The following PSTPIP2 variants were observed in gnomAD, a reference collection of about 807,000 sequenced individuals.
PSTPIP2 encodes the protein proline-serine-threonine phosphatase interacting protein 2, also known as proline-serine-threonine phosphatase-interacting protein 2.
Under a neutral mutation model 63.3 loss-of-function variants are expected in PSTPIP2, and 33 were observed. The observed-to-expected ratio is 0.52, with a 90% confidence interval of 0.40 to 0.70. PSTPIP2 has a LOEUF of 0.70. PSTPIP2 is among the 30% of genes least tolerant of loss of function. PSTPIP2 has a pLI of 0.00. For synonymous variants in PSTPIP2, 125 were observed against 132.7 expected (o/e 0.94, Z 0.40); for missense variants, 312 against 400.7 (o/e 0.78, Z 1.89).
chr18:46,015,884 T>G lies in PSTPIP2; in HGVS notation c.247+19A>C, dbSNP rs186906654. ...TGTCAAGGGCAGTGAATACATTTTT[T>G]AAAAAAAAAATCACTTACGCTGCTT... On this transcript the variant is annotated intron_variant, in intron 4 of 14. Transcript: ENST00000409746. 4 of 1,551,096 alleles carry G rather than the reference T, an allele frequency of 2.6e-6. No homozygotes were observed. The South Asian group carries it at 4.7e-5, about 18-fold the overall frequency.
At chr18:46,066,361 T>G (rs1166175815) in intron 1 of PSTPIP2, among the ~76,000 whole-genome samples, 3 of 152,054 alleles carry the variant, frequency 2.0e-5, no homozygotes, top group Non-Finnish European at 2.9e-5. Context: ...AAAACTACTG[T>G]TTTAAAATTT....
intron 2 of PSTPIP2, among the ~76,000 whole-genome samples, chr18:46,030,661 T>C (rs994226694): frequency 2.6e-5 from 4 of 152,260 alleles, no homozygotes; most frequent in Non-Finnish European, 5.9e-5. Context: ...CATTTCTTGC[T>C]TGACTAAATT....
chr18:46,010,105 G>A (rs911476459), intron 5 of PSTPIP2, among the ~76,000 whole-genome samples: 3 of 152,170 alleles, frequency 2.0e-5, no homozygotes, highest in Non-Finnish European at 2.9e-5. Context: ...GGGTAAAGCA[G>A]GAAGGCTCTT....
At chr18:46,067,400 G>T (rs1296787061) in intron 1 of PSTPIP2, among the ~76,000 whole-genome samples, 1 of 151,762 alleles carries the variant, frequency 6.6e-6, no homozygotes. Context: ...CTACTCAGGA[G>T]GCTGAGGCAG....
chr18:45,997,668 C>CCA (rs1568210932), intron 9 of PSTPIP2, 81 bp downstream of exon 9: 1 of 159,396 alleles, frequency 6.3e-6, no homozygotes, highest in African/African-American at 3.3e-5. Flanking sequence ...CCTCCCCTCC[C>CCA]CCCCCCGTCC....
At chr18:45,999,398 A>C (rs1437532412) in intron 7 of PSTPIP2, 38 bp downstream of exon 7, 5 of 1,581,526 alleles carry the variant, frequency 3.2e-6, no homozygotes, top group Admixed American at 3.3e-5. Context: ...GACATAGGTC[A>C]GTCTCAGATT....
At chr18:46,027,100 C>T (rs1050530198) in intron 2 of PSTPIP2, among the ~76,000 whole-genome samples, 3 of 151,774 alleles carry the variant, frequency 2.0e-5, no homozygotes, top group African/African-American at 7.3e-5. Flanking sequence ...TCGAGACCAG[C>T]GTGGCCAACA....
chr18:46,062,195 C>T (rs574039555), intron 1 of PSTPIP2, among the ~76,000 whole-genome samples: 41 of 152,198 alleles, frequency 2.7e-4, no homozygotes, highest in Non-Finnish European at 5.6e-4. Flanking sequence ...AGTCTTCCTT[C>T]CAGCCTTCCA....
chr18:45,987,635 T>C (rs1219583243), intron 14 of PSTPIP2, among the ~76,000 whole-genome samples: 1 of 152,230 alleles, frequency 6.6e-6, no homozygotes, highest in Non-Finnish European at 1.5e-5. Context: ...TTTAGGAATA[T>C]ATCTCTTCAG....
rs1186841414 is a variant in PSTPIP2 at position 45,984,525 on chromosome 18, A to G, written c.*934T>C. 6.6e-6 allele frequency: 1 copy of G among 152,192 alleles called. No individual in the cohort carries two copies. The highest frequency in any genetic ancestry group is 2.4e-5 in the African/African-American group (1 of 41,440). 9.4% of individuals were successfully genotyped at this position (152,192 alleles called of 1,614,324 possible). ...TTGAGGAATGGAATCAAAATATGGT[A>G]TTTCATTGATTCTAAGATGTATTTT... On this transcript the variant is annotated 3_prime_UTR_variant, in exon 15 of 15. Transcript: ENST00000409746.
chr18:45,997,275 G>A (rs2051606687), intron 9 of PSTPIP2, among the ~76,000 whole-genome samples: 1 of 152,032 alleles, frequency 6.6e-6, no homozygotes, highest in South Asian at 2.1e-4. Context: ...TGCAACTTCC[G>A]CCTCCCAGGT....
chr18:46,061,967 T>G (rs922005833), intron 1 of PSTPIP2, among the ~76,000 whole-genome samples: 19 of 152,196 alleles, frequency 1.2e-4, no homozygotes, highest in African/African-American at 4.6e-4. Context: ...CCAACAGCTA[T>G]TCTTTCAATA....
At position 45,991,841 on chromosome 18, in the gene PSTPIP2, T is replaced by C; in HGVS notation, c.920+61A>G. The C allele has an allele frequency of 2.1e-6, 3 of 1,451,528 alleles. No homozygotes were observed. In the Admixed American group the frequency reaches 5.5e-5, roughly 26 times the overall value. The allele number at this position is 1,451,528 out of a possible 1,614,324, so 89.9% of individuals were successfully genotyped here. On this transcript the variant is annotated intron_variant, in intron 12 of 14. Coordinates refer to ENST00000409746, the MANE Select transcript of PSTPIP2 (RefSeq NM_024430.4). ...TCCAATTCTAACATGTCTTAGAACA[T>C]TCATGATAACAATGTTTGTTAAAAG... is the stretch of plus-strand genomic sequence containing the variant.
In PSTPIP2 at chr18:45,992,218, C is replaced by T; in HGVS notation, c.742-16G>A. On this transcript the variant is annotated splice_polypyrimidine_tract_variant and intron_variant, in intron 10 of 14. Coordinates refer to ENST00000409746, the MANE Select transcript of PSTPIP2 (RefSeq NM_024430.4). Reference sequence around the variant, plus strand: ...GTTCGTACATCTAATAAAAAAAGGTCAATTAATAGGTAGAGGTATGTTGAG... The same window carrying T: ...GTTCGTACATCTAATAAAAAAAGGTTAATTAATAGGTAGAGGTATGTTGAG... 7.0e-7 allele frequency: 1 copy of T among 1,434,136 alleles called. No homozygotes were observed. 88.8% of individuals were successfully genotyped at this position (1,434,136 alleles called of 1,614,324 possible).
At chr18:45,992,037 A>G in intron 11 of PSTPIP2, 54 bp from the exon 12 acceptor site, 1 of 1,593,426 alleles carries the variant, frequency 6.3e-7, no homozygotes, top group Non-Finnish European at 8.6e-7. Flanking sequence ...TTTCATCCTT[A>G]ATGACATCTA....
intron 14 of PSTPIP2, 134 bp downstream of exon 14, chr18:45,988,568 A>C: frequency 1.4e-6 from 1 of 720,962 alleles, no homozygotes; most frequent in Non-Finnish European, 2.4e-6. Context: ...AAGGGACAGC[A>C]TGCTGGCCAG....
chr18:46,065,052 G>A (rs887957563), intron 1 of PSTPIP2, among the ~76,000 whole-genome samples: 1 of 150,068 alleles, frequency 6.7e-6, no homozygotes, highest in South Asian at 2.1e-4. Flanking sequence ...GCTGAGGCAG[G>A]AGAATTGCTT....
chr18:46,039,451 C>T (rs138790842), intron 2 of PSTPIP2, among the ~76,000 whole-genome samples: 87 of 152,208 alleles, frequency 5.7e-4, no homozygotes, highest in African/African-American at 2.0e-3. Flanking sequence ...CTCAAGCTTG[C>T]TGTTCTCCCA....
intron 1 of PSTPIP2, among the ~76,000 whole-genome samples, chr18:46,059,076 G>A (rs991697722): frequency 4.1e-5 from 6 of 146,780 alleles, no homozygotes; most frequent in African/African-American, 7.6e-5. Context: ...TCCCTCTGTC[G>A]CCCAGGCTGG....
Sources: gnomAD v4.1 joint callset for allele counts (sites outside exome capture counted in the v4.1 genomes callset) on GRCh38, gnomAD v4.1.1 for gene constraint, MANE v1.5 for transcripts, NCBI Gene and HGNC (gene_info 2026-07-23, HGNC 2026-07-21) for gene names.